MYOM1: variants seen among roughly 807,000 people sequenced by gnomAD.
The protein encoded by MYOM1 is myomesin 1, also known as myomesin-1.
MYOM1 carries 164 observed loss-of-function variants against 205.3 expected under a neutral mutation model. The ratio of observed to expected loss-of-function variants is 0.80; its 90% CI spans 0.70 to 0.91. The LOEUF is 0.91. Among genes scored for constraint, MYOM1 ranks in the 40% least tolerant of loss-of-function variants. MYOM1 has a pLI of 0.00. For synonymous variants in MYOM1, 772 were observed against 789.4 expected, an observed-to-expected ratio of 0.98 and a Z score of 0.37; for missense variants, 2,011 against 2,127.3, an observed-to-expected ratio of 0.95 and a Z score of 1.08.
At chr18:3,195,793 T>C (rs1230310292) in intron 2 of MYOM1, among the ~76,000 whole-genome samples, 2 of 152,198 alleles carry the variant, frequency 1.3e-5, no homozygotes, top group African/African-American at 2.4e-5. Flanking sequence ...ATTTATTACA[T>C]AGAATGTGCC....
chr18:3,175,095 G>T (rs2144093997), intron 6 of MYOM1, among the ~76,000 whole-genome samples: 1 of 152,164 alleles, frequency 6.6e-6, no homozygotes, highest in East Asian at 1.9e-4. Flanking sequence ...CCCCAGCAAG[G>T]CAAACACAGT....
rs1170878908 is a variant in MYOM1, at chr18:3,174,152, T to G, written c.1079A>C (p.Glu360Ala). ...CACAACTGAAGCATATGCCGAAAGC[T>G]CTCCTTTAACATTCATCGCCGAGGC... is the stretch of plus-strand genomic sequence containing the variant. ...YRASAMNVKG[E>A]LSAYASVVVK... The change falls in exon 7 of 38, where the codon GAG (glutamate) becomes GCG (alanine). Residue 360 changes from glutamate (E) to alanine (A), a missense_variant. By Grantham distance (107) the Glu-to-Ala change is moderately radical. Coordinates refer to ENST00000356443, the MANE Select transcript of MYOM1 (RefSeq NM_003803.4). 3 of 1,613,938 alleles carry G rather than the reference T, an allele frequency of 1.9e-6. No homozygotes were observed. Among genetic ancestry groups the G allele is most frequent in the African/African-American group, 1.3e-5 (1 of 75,006 alleles).
chr18:3,130,371 A>G (rs1254104665), intron 17 of MYOM1, among the ~76,000 whole-genome samples: 1 of 152,180 alleles, frequency 6.6e-6, no homozygotes, highest in African/African-American at 2.4e-5. Flanking sequence ...TGAAAAAGCT[A>G]TATGAGATGC....
At chr18:3,196,613 G>A (rs2080991860) in intron 2 of MYOM1, among the ~76,000 whole-genome samples, 1 of 152,120 alleles carries the variant, frequency 6.6e-6, no homozygotes. Context: ...GTGTGTGCAG[G>A]TATCTATGAG....
chr18:3,194,236 T>C (rs991304776), intron 2 of MYOM1, among the ~76,000 whole-genome samples: 2 of 152,228 alleles, frequency 1.3e-5, no homozygotes, highest in African/African-American at 4.8e-5. Flanking sequence ...AGAGTGATGT[T>C]TTTATGATAG....
rs34021473 is a variant in MYOM1 at position 3,176,200 on chromosome 18, C to CAT, written c.930-67_930-66insAT. ...AAACAACTTCATGATTAAACACACA[C>CAT]ACAATTCTTGTTCTTGCAGGAACAT... On this transcript the variant is annotated intron_variant, in intron 5 of 37. Transcript: ENST00000356443. The CAT allele has an allele frequency of 0.06, 54,764 of 909,008 alleles. 2,213 individuals are homozygous for CAT. The highest frequency in any genetic ancestry group is 0.15 in the African/African-American group (8,971 of 61,272). 56.3% of individuals were successfully genotyped at this position (909,008 alleles called of 1,614,324 possible).
At chr18:3,196,148 A>G (rs936969722) in intron 2 of MYOM1, among the ~76,000 whole-genome samples, 1 of 152,204 alleles carries the variant, frequency 6.6e-6, no homozygotes, top group Admixed American at 6.5e-5. Context: ...TTATGTATTG[A>G]GGCTACCAAA....
chr18:3,125,593 G>A (rs1375677734), intron 19 of MYOM1, among the ~76,000 whole-genome samples: 1 of 149,916 alleles, frequency 6.7e-6, no homozygotes, highest in African/African-American at 2.5e-5. Context: ...TTTGTTTTAC[G>A]CATTCTCAGC....
intron 19 of MYOM1, among the ~76,000 whole-genome samples, chr18:3,121,889 C>T (rs1280783074): frequency 1.3e-5 from 2 of 152,122 alleles, no homozygotes; most frequent in Admixed American, 6.5e-5. Flanking sequence ...GAGGCCGAGG[C>T]GGGCGGATCA....
Position 3,152,966 on chromosome 18 carries a change from C to A in MYOM1, c.1644-1073G>T, listed in dbSNP as rs1380207725. 6.6e-6 allele frequency among the ~76,000 whole-genome samples: 1 copy of A among 152,168 alleles called. No homozygotes were observed. Among genetic ancestry groups the A allele is most frequent in the Admixed American group, 6.6e-5 (1 of 15,260 alleles). ...CAAATGTGGCTTCAATCCCTGCCTTCCATCATTTCCCCTAATCCTCCTTGG... is the reference window on the plus strand; with the variant it reads ...CAAATGTGGCTTCAATCCCTGCCTTACATCATTTCCCCTAATCCTCCTTGG... On this transcript the variant is annotated intron_variant, in intron 11 of 37. Transcript: ENST00000356443. This position sits in a 1 kb window ranked among gnomAD's most constrained non-coding sequence, Gnocchi z 4.3.
chr18:3,196,677 T>C (rs1003492609), intron 2 of MYOM1, among the ~76,000 whole-genome samples: 1 of 152,218 alleles, frequency 6.6e-6, no homozygotes, highest in African/African-American at 2.4e-5. Flanking sequence ...CCACCAATTA[T>C]GCTAGTCCTT....
chr18:3,219,969 G>C (rs539073777), upstream of MYOM1: 9 of 152,352 alleles, frequency 5.9e-5, no homozygotes, highest in African/African-American at 1.9e-4. The surrounding 1 kb of genome is among the most constrained non-coding windows in gnomAD (Gnocchi z 4.4). Context: ...TCAGGCAGTC[G>C]AATGTCAGGC....
intron 36 of MYOM1, among the ~76,000 whole-genome samples, chr18:3,072,431 G>T (rs2078970859): frequency 7.2e-6 from 1 of 138,762 alleles, no homozygotes; most frequent in South Asian, 2.3e-4. Flanking sequence ...TCAGCTCACT[G>T]CGACCTCCGC....
At chr18:3,216,087 G>A (rs2081263176) in intron 1 of MYOM1, among the ~76,000 whole-genome samples, 1 of 152,080 alleles carries the variant, frequency 6.6e-6, no homozygotes, top group African/African-American at 2.4e-5. Context: ...GGCCAACATG[G>A]CGAAACCCCA....
chr18:3,153,002 G>A lies in MYOM1; in HGVS notation c.1644-1109C>T, dbSNP rs1035056420. Among the ~76,000 whole-genome samples the A allele has an allele frequency of 7.2e-5, 11 of 152,296 alleles. No homozygotes were observed. The South Asian group carries it at 2.1e-3, about 29-fold the overall frequency. ...CCTAATCCTCCTTGGTAGAAATTCT[G>A]GAGCTGCTAGGGGTTTGGGGAGGTG... On this transcript the variant is annotated intron_variant, in intron 11 of 37. Coordinates refer to ENST00000356443, the MANE Select transcript of MYOM1 (RefSeq NM_003803.4).
chr18:3,149,350 G>A (rs2080183693), intron 12 of MYOM1, 149 bp from the exon 13 acceptor site: 4 of 620,734 alleles, frequency 6.4e-6, no homozygotes, highest in Non-Finnish European at 1.1e-5. Context: ...TATCAATCAT[G>A]TAGAGGGCAC....
chr18:3,070,365 C>T (rs1206344474), intron 37 of MYOM1, among the ~76,000 whole-genome samples: 1 of 152,094 alleles, frequency 6.6e-6, no homozygotes, highest in African/African-American at 2.4e-5. Flanking sequence ...GTTGCCCAGG[C>T]TAGTTTGAAC....
intron 26 of MYOM1, 116 bp from the exon 27 acceptor site, chr18:3,090,918 A>C: frequency 1.6e-6 from 2 of 1,273,644 alleles, no homozygotes; most frequent in East Asian, 4.8e-5. Flanking sequence ...GTGCCTGTTC[A>C]TGCCTGTAAT....
At chr18:3,071,231 C>T (rs1042081792) in intron 37 of MYOM1, among the ~76,000 whole-genome samples, 1 of 152,302 alleles carries the variant, frequency 6.6e-6, no homozygotes, top group East Asian at 1.9e-4. Flanking sequence ...AGAGTTAACA[C>T]AGAACATGTT....
Sources: allele counts gnomAD v4.1 joint callset (sites outside exome capture counted in the v4.1 genomes callset), GRCh38; gene constraint gnomAD v4.1.1; non-coding constraint Gnocchi (gnomAD v3.1); transcripts MANE v1.5; gene names NCBI Gene and HGNC (gene_info 2026-07-23, HGNC 2026-07-21).